The following SASH1 variants were observed in gnomAD, a reference collection of about 807,000 sequenced individuals.
SASH1 encodes the protein SAM and SH3 domain containing 1, also known as SAM and SH3 domain-containing protein 1.
A neutral mutation model predicts 125.2 loss-of-function variants in SASH1; 44 were observed. That is an observed-to-expected ratio of 0.35 (90% CI 0.28 to 0.45). The LOEUF (loss-of-function observed/expected upper bound fraction) is 0.45. SASH1 is among the 20% of genes least tolerant of loss of function. The pLI is 1.00. For missense variants in SASH1, 1,426 were observed against 1,614.5 expected (o/e 0.88, Z 2.00); for synonymous variants, 639 against 649.1 (o/e 0.98, Z 0.24).
chr6:148,241,634 A>C, the SASH1 span, among the ~76,000 whole-genome samples: 1 of 152,240 alleles, frequency 6.6e-6, no homozygotes, highest in African/African-American at 2.4e-5. Context: ...TCAGAAATGA[A>C]GCGAGCTGCA....
chr6:148,198,737 A>G, the SASH1 span, among the ~76,000 whole-genome samples: 1 of 152,190 alleles, frequency 6.6e-6, no homozygotes, highest in Non-Finnish European at 1.5e-5. Flanking sequence ...TGACCTACAT[A>G]TGGTTTTTAT....
At chr6:148,287,253 C>G (rs1041420456) in intron 1 of SASH1, among the ~76,000 whole-genome samples, 3 of 152,192 alleles carry the variant, frequency 2.0e-5, no homozygotes, top group Non-Finnish European at 2.9e-5. Flanking sequence ...CCAATGTGCT[C>G]TTTCCTCTAC....
chr6:148,377,676 C>A (rs570150887), intron 1 of SASH1, among the ~76,000 whole-genome samples: 76 of 152,230 alleles, frequency 5.0e-4, no homozygotes, highest in African/African-American at 1.6e-3. Flanking sequence ...CAAATGAGAT[C>A]ATATTTAAGG....
chr6:148,376,531 G>A lies in SASH1; in HGVS notation c.157-13603G>A, dbSNP rs534622359. Among the ~76,000 whole-genome samples the A allele has an allele frequency of 5.3e-5, 8 of 152,130 alleles. 1 individual carries two copies. Among genetic ancestry groups the A allele is most frequent in the Admixed American group, 1.3e-4 (2 of 15,268 alleles). ...CAAAAGGAATATATGCATGTTTTCC[G>A]TGGCTACAGCATTGCTCTTGTATTT... On this transcript the variant is annotated intron_variant, in intron 1 of 19. Transcript: ENST00000367467.
At chr6:148,201,467 T>C in the SASH1 span, among the ~76,000 whole-genome samples, 2 of 152,172 alleles carry the variant, frequency 1.3e-5, no homozygotes, top group Admixed American at 1.3e-4. Context: ...GGCCCACCAC[T>C]GTGCATCTCC....
chr6:148,209,319 C>T, the SASH1 span, among the ~76,000 whole-genome samples: 1 of 152,202 alleles, frequency 6.6e-6, no homozygotes, highest in South Asian at 2.1e-4. Context: ...TTCTTGCTCT[C>T]ATCTCCCACA....
chr6:148,272,235 C>T (rs1014158456), upstream of SASH1: 4 of 413,624 alleles, frequency 9.7e-6, no homozygotes, highest in African/African-American at 6.1e-5. Flanking sequence ...GAGTGTCCCA[C>T]ATCTGCCCTG....
chr6:148,221,233 G>T, the SASH1 span, among the ~76,000 whole-genome samples: 4 of 152,100 alleles, frequency 2.6e-5, no homozygotes, highest in Admixed American at 6.5e-5. Flanking sequence ...ATAAATCTGA[G>T]CCTATTTTCT....
At chr6:148,380,235 C>T (rs557302394) in intron 1 of SASH1, among the ~76,000 whole-genome samples, 3 of 152,122 alleles carry the variant, frequency 2.0e-5, no homozygotes, top group Non-Finnish European at 2.9e-5. Flanking sequence ...ACGGTCACAC[C>T]GCGAGGCTCT....
chr6:148,488,477 C>G (rs1778968355), intron 8 of SASH1, among the ~76,000 whole-genome samples: 1 of 152,232 alleles, frequency 6.6e-6, no homozygotes, highest in Non-Finnish European at 1.5e-5. Context: ...CTCTGAGTCT[C>G]TGCTTTCAGT....
chr6:148,401,273 G>C (rs1194554864), intron 2 of SASH1, among the ~76,000 whole-genome samples: 1 of 150,304 alleles, frequency 6.7e-6, no homozygotes, highest in South Asian at 2.1e-4. Context: ...AAAAAAAATT[G>C]ATGCGGTCAC....
chr6:148,340,798 A>G (rs924241050), upstream of SASH1, among the ~76,000 whole-genome samples: 7 of 152,164 alleles, frequency 4.6e-5, no homozygotes, highest in African/African-American at 1.7e-4. Context: ...CCTCAATGCT[A>G]TTAAGGAGAA....
chr6:148,360,452 A>G (rs1782145780), intron 1 of SASH1, among the ~76,000 whole-genome samples: 1 of 149,600 alleles, frequency 6.7e-6, no homozygotes, highest in South Asian at 2.1e-4. Flanking sequence ...GGTTCAAGCG[A>G]TTCTCTCGCC....
At chr6:148,310,815 A>C (rs1446118322) in intron 1 of SASH1, among the ~76,000 whole-genome samples, 3 of 152,006 alleles carry the variant, frequency 2.0e-5, no homozygotes, top group Non-Finnish European at 4.4e-5. Flanking sequence ...ATGACTTTTA[A>C]AAAAAAAGGC....
chr6:148,386,347 G>T (rs1478147070), intron 1 of SASH1, among the ~76,000 whole-genome samples: 1 of 152,190 alleles, frequency 6.6e-6, no homozygotes, highest in Non-Finnish European at 1.5e-5. Flanking sequence ...TATATAAATA[G>T]TTTTTTTCCC....
rs141650623 is a variant in SASH1 at position 148,347,987 on chromosome 6, A to G, written c.156+4764A>G. 7.0e-3 allele frequency among the ~76,000 whole-genome samples: 1,073 copies of G among 152,274 alleles called. 11 individuals are homozygous for G. The highest frequency in any genetic ancestry group is 0.024 in the African/African-American group (1,014 of 41,548). Reference sequence around the variant, plus strand: ...GGCAAAGACTAAGTCAATGGCTTTCATAATTTTATTTATTTATTTGTTTAT... The same window carrying G: ...GGCAAAGACTAAGTCAATGGCTTTCGTAATTTTATTTATTTATTTGTTTAT... On this transcript the variant is annotated intron_variant, in intron 1 of 19. Transcript: ENST00000367467.
intron 4 of SASH1, among the ~76,000 whole-genome samples, chr6:148,459,211 C>A (rs1777503587): frequency 1.3e-5 from 2 of 152,112 alleles, no homozygotes; most frequent in Non-Finnish European, 2.9e-5. Flanking sequence ...CATGAAGCCA[C>A]AAATGAAGAA....
At chr6:148,348,293 C>T (rs917227323) in intron 1 of SASH1, among the ~76,000 whole-genome samples, 2 of 152,180 alleles carry the variant, frequency 1.3e-5, no homozygotes, top group Non-Finnish European at 2.9e-5. Flanking sequence ...TGCGCCTGGC[C>T]GGCTTTGATA....
At chr6:148,497,097 ATATAT>A (rs1779346747) in intron 8 of SASH1, among the ~76,000 whole-genome samples, 1 of 152,222 alleles carries the variant, frequency 6.6e-6, no homozygotes. Flanking sequence ...TAAAATAAGA[ATATAT>A]TAAAGTTCTT....
Sources: allele counts gnomAD v4.1 joint callset (sites outside exome capture counted in the v4.1 genomes callset), GRCh38; gene constraint gnomAD v4.1.1; transcripts MANE v1.5; gene names NCBI Gene and HGNC (gene_info 2026-07-23, HGNC 2026-07-21).